Variants in P2RY6 observed in about 807,000 individuals in gnomAD.
P2RY6 encodes the protein P2Y purinoceptor 6.
In P2RY6, 19 loss-of-function variants were observed where a neutral mutation model predicts 16.3. The observed-to-expected ratio is 1.16, with a 90% CI of 0.81 to 1.71. P2RY6 has a LOEUF of 1.71. Ranked by LOEUF, P2RY6 falls within the 40% of genes most tolerant of loss-of-function variation. P2RY6 has a pLI of 0.00. For missense variants in P2RY6, 389 were observed against 455.5 expected (o/e 0.85, Z 1.33); for synonymous variants, 184 against 201.5 (o/e 0.91, Z 0.74).
At chr11:73,284,373 C>A (rs1863882080) in intron 1 of P2RY6, among the ~76,000 whole-genome samples, 1 of 152,074 alleles carries the variant, frequency 6.6e-6, no homozygotes, top group African/African-American at 2.4e-5. Context: ...GGGAGAGAAG[C>A]CAGGAAGATC....
At chr11:73,276,270 A>G (rs1863532712) in intron 1 of P2RY6, among the ~76,000 whole-genome samples, 1 of 152,242 alleles carries the variant, frequency 6.6e-6, no homozygotes, top group Non-Finnish European at 1.5e-5. Flanking sequence ...ATACACTGCT[A>G]GTGAGAATGA....
intron 1 of P2RY6, among the ~76,000 whole-genome samples, chr11:73,287,991 G>A (rs1436508068): frequency 6.6e-6 from 1 of 152,172 alleles, no homozygotes; most frequent in East Asian, 1.9e-4. Context: ...GGCTGCCCTT[G>A]ACCTCTCAGC....
At chr11:73,296,233 A>AAAAAAAT (rs57187973) in intron 2 of P2RY6, among the ~76,000 whole-genome samples, 2 of 124,512 alleles carry the variant, frequency 1.6e-5, no homozygotes, top group East Asian at 2.1e-4. Flanking sequence ...GAAAAAAAAA[A>AAAAAAAT]ATATATATAT....
chr11:73,295,698 A>C, intron 1 of P2RY6, 32 bp from the exon 2 acceptor site: 2 of 874,308 alleles, frequency 2.3e-6, no homozygotes, highest in South Asian at 5.2e-5. Flanking sequence ...GCCTTGGGGA[A>C]CTGGGTATCA....
intron 1 of P2RY6, among the ~76,000 whole-genome samples, chr11:73,293,314 G>A (rs145367418): frequency 0.011 from 1,677 of 152,316 alleles, 13 homozygotes; most frequent in Non-Finnish European, 0.016. Context: ...GAGTGGCCCT[G>A]GCGTACTTCA....
At chr11:73,272,202 G>T (rs1863341198), upstream of P2RY6, 2 of 232,930 alleles carry the variant, frequency 8.6e-6, no homozygotes, top group Non-Finnish European at 1.4e-5. Flanking sequence ...TAGAGGATGA[G>T]TCAGCATTGG....
intron 1 of P2RY6, among the ~76,000 whole-genome samples, chr11:73,284,510 C>G (rs567716005): frequency 2.6e-5 from 4 of 152,134 alleles, no homozygotes; most frequent in Non-Finnish European, 5.9e-5. Context: ...TCTATTCACC[C>G]GTCTCAGCTG....
At chr11:73,270,862 G>A (rs1025048263), upstream of P2RY6, among the ~76,000 whole-genome samples, 2 of 152,078 alleles carry the variant, frequency 1.3e-5, no homozygotes, top group African/African-American at 4.8e-5. Context: ...GGGTGATCTG[G>A]CAAATCTAGA....
chr11:73,296,472 A>T lies in P2RY6; in HGVS notation c.-34-13A>T. The T allele has an allele frequency of 1.3e-6, 2 of 1,595,362 alleles. No individual in the cohort carries two copies. Among genetic ancestry groups the T allele is most frequent in the Non-Finnish European group, 8.6e-7 (1 of 1,168,180 alleles). On this transcript the variant is annotated splice_polypyrimidine_tract_variant and intron_variant, in intron 2 of 2. Transcript: ENST00000540124. ...TGAGCATGTCACTGACAGGCTGTGT[A>T]TTGCTTTCCCAGCCTCCCTGAACAT...
Position 73,298,135 on chromosome 11 carries a change from C to A in P2RY6, c.*630C>A. On this transcript the variant is annotated 3_prime_UTR_variant, in exon 3 of 3. Coordinates refer to ENST00000540124, the MANE Select transcript of P2RY6 (RefSeq NM_001277204.2). ...GGGGAGGGGGTACACAGACAGTGCC[C>A]ATGACCCAGTCCAAGGAGTCAGGAA... 1 of 167,390 alleles carries A rather than the reference C, an allele frequency of 6.0e-6. No individual in the cohort carries two copies. 10.4% of individuals were successfully genotyped at this position (167,390 alleles called of 1,614,324 possible).
intron 2 of P2RY6, 132 bp from the exon 3 acceptor site, chr11:73,296,353 T>C: frequency 1.4e-6 from 1 of 690,568 alleles, no homozygotes; most frequent in Non-Finnish European, 2.4e-6. Flanking sequence ...CTTCACGGGG[T>C]GGTTAGAGTA....
rs761823564 is a variant in P2RY6 at position 73,298,035 on chromosome 11, A to C, written c.*530A>C. 1.2e-5 allele frequency: 2 copies of C among 172,484 alleles called. No homozygotes were observed. Among genetic ancestry groups the C allele is most frequent in the Non-Finnish European group, 2.8e-5 (2 of 71,854 alleles). The allele number at this position is 172,484 out of a possible 1,614,324, so 10.7% of individuals were successfully genotyped here. A position where few individuals can be genotyped will look rare whatever the true frequency, so the allele number is the denominator to read the frequency against. On this transcript the variant is annotated 3_prime_UTR_variant, in exon 3 of 3. Transcript: ENST00000540124. ...GAAGAACCAGTCCTAGCCCTGGTCC[A>C]TACGGGCTCCCAACTGCTGGAAGTA...
intron 1 of P2RY6, among the ~76,000 whole-genome samples, chr11:73,291,758 C>A (rs369454811): frequency 6.6e-6 from 1 of 152,184 alleles, no homozygotes; most frequent in African/African-American, 2.4e-5. Flanking sequence ...GATGAGCCAC[C>A]CTGAGTGGCA....
chr11:73,266,934 G>A (rs775986668), intron 1 of P2RY6, among the ~76,000 whole-genome samples: 50 of 152,288 alleles, frequency 3.3e-4, no homozygotes, highest in Admixed American at 5.2e-4. Flanking sequence ...GAGTGATAAG[G>A]CCAGCTGTCT....
At chr11:73,292,857 C>T in intron 1 of P2RY6, 1 of 984,794 alleles carries the variant, frequency 1.0e-6, no homozygotes, top group Non-Finnish European at 1.2e-6. Context: ...AGCCTCAGGT[C>T]TGGCTTCCCT....
At chr11:73,271,800 C>T (rs1863323548), upstream of P2RY6, 2 of 152,170 alleles carry the variant, frequency 1.3e-5, no homozygotes, top group South Asian at 4.1e-4. Context: ...GGGTCTCTCT[C>T]CTCCCTCAGT....
chr11:73,289,615 G>T (rs1864114483), intron 1 of P2RY6, among the ~76,000 whole-genome samples: 1 of 152,278 alleles, frequency 6.6e-6, no homozygotes, highest in Non-Finnish European at 1.5e-5. Flanking sequence ...CTCCCTGGCT[G>T]TGTGACGGAA....
At chr11:73,274,568 G>A (rs1863456033) in intron 1 of P2RY6, among the ~76,000 whole-genome samples, 1 of 151,180 alleles carries the variant, frequency 6.6e-6, no homozygotes, top group Non-Finnish European at 1.5e-5. Flanking sequence ...AAGAAAGAAA[G>A]AAAAGAAAAA....
At chr11:73,278,230 G>A (rs977372183) in intron 1 of P2RY6, among the ~76,000 whole-genome samples, 2 of 151,964 alleles carry the variant, frequency 1.3e-5, no homozygotes, top group African/African-American at 4.8e-5. Context: ...GGAGTGCAGT[G>A]GTGCGATCTC....
Sources: allele counts gnomAD v4.1 joint callset (sites outside exome capture counted in the v4.1 genomes callset), GRCh38; gene constraint gnomAD v4.1.1; transcripts MANE v1.5; gene names NCBI Gene and HGNC (gene_info 2026-07-23, HGNC 2026-07-21).